The following RBM39 variants were observed in gnomAD, a reference collection of about 807,000 sequenced individuals.
RBM39 encodes RNA-binding protein 39.
RBM39 carries 12 observed loss-of-function variants against 79.6 expected under a neutral mutation model. The observed-to-expected ratio is 0.15, with a 90% CI of 0.10 to 0.24. The LOEUF (loss-of-function observed/expected upper bound fraction) is 0.24. Among genes scored for constraint, RBM39 ranks in the 10% least tolerant of loss-of-function variants. The probability of loss-of-function intolerance (pLI) is 1.00; values close to 1 mark genes in which losing one functional copy is unlikely to be tolerated. For missense variants in RBM39, 243 were observed against 653.4 expected (o/e 0.37, Z 6.85); for synonymous variants, 185 against 208.4 (o/e 0.89, Z 0.97).
At chr20:35,741,500 A>G (rs1373983172) in intron 1 of RBM39, 1 of 152,378 alleles carries the variant, frequency 6.6e-6, no homozygotes, top group Non-Finnish European at 1.5e-5. Flanking sequence ...GAAACACACG[A>G]AAATGAAGAC....
At chr20:35,733,500 T>C (rs900401911) in intron 3 of RBM39, among the ~76,000 whole-genome samples, 4 of 151,878 alleles carry the variant, frequency 2.6e-5, no homozygotes, top group African/African-American at 9.7e-5. Flanking sequence ...TTCCAGCTAC[T>C]GTGGAGGCTG....
At chr20:35,713,998 A>C (rs2036797273) in intron 11 of RBM39, 187 bp downstream of exon 11, 1 of 608,414 alleles carries the variant, frequency 1.6e-6, no homozygotes, top group Non-Finnish European at 2.8e-6. Flanking sequence ...CATTCAAAAC[A>C]CATAATATAG....
In RBM39 at chr20:35,702,535, G is replaced by A. The variant is rs931782099; in HGVS notation, c.*1946C>T. The A allele has an allele frequency of 5.9e-5, 9 of 152,228 alleles. No individual in the cohort carries two copies. The highest frequency in any genetic ancestry group is 1.3e-4 in the Admixed American group (2 of 15,278). The allele number at this position is 152,228 out of a possible 1,614,324, so 9.4% of individuals were successfully genotyped here. A position where few individuals can be genotyped will look rare whatever the true frequency, so the allele number is the denominator to read the frequency against. On this transcript the variant is annotated 3_prime_UTR_variant, in exon 17 of 17. Coordinates refer to ENST00000253363, the MANE Select transcript of RBM39 (RefSeq NM_184234.3). The stretch of plus-strand genomic sequence containing the variant: ...AATGACACAACAAATTTGTTAGGAA[G>A]ACTTGGTTCAAGGGGAAAAACTGAT...
In RBM39 at chr20:35,701,593, A is replaced by C. The variant is rs1398456355; in HGVS notation, c.*2888T>G. The C allele has an allele frequency of 6.6e-6, 1 of 152,172 alleles. No individual in the cohort carries two copies. Among genetic ancestry groups the C allele is most frequent in the African/African-American group, 2.4e-5 (1 of 41,448 alleles). The allele number at this position is 152,172 out of a possible 1,614,324, so 9.4% of individuals were successfully genotyped here. Reference sequence around the variant, plus strand: ...ACGGTGACACCCCGTCTCTACTAAAAATACAAAAACTTAAGCCGGGTGTGT... The same window carrying C: ...ACGGTGACACCCCGTCTCTACTAAACATACAAAAACTTAAGCCGGGTGTGT... On this transcript the variant is annotated 3_prime_UTR_variant, in exon 17 of 17. Transcript: ENST00000253363.
At chr20:35,719,366 G>A (rs2146581533) in intron 9 of RBM39, among the ~76,000 whole-genome samples, 1 of 152,280 alleles carries the variant, frequency 6.6e-6, no homozygotes, top group Non-Finnish European at 1.5e-5. Context: ...CAGCTGTTTG[G>A]AAGAGAGTTG....
intron 3 of RBM39, chr20:35,735,196 TAA>T: frequency 7.5e-7 from 1 of 1,329,764 alleles, no homozygotes; most frequent in Non-Finnish European, 9.8e-7. Context: ...TTTTATTGAG[TAA>T]TTCTCTAAAG....
chr20:35,722,344 T>C (rs1019583038), intron 8 of RBM39, among the ~76,000 whole-genome samples: 6 of 150,396 alleles, frequency 4.0e-5, no homozygotes, highest in Non-Finnish European at 8.9e-5. Context: ...GAGGCAGAGC[T>C]TGCAGTGAGA....
chr20:35,725,410 A>G (rs1202803687), intron 6 of RBM39, among the ~76,000 whole-genome samples: 1 of 152,076 alleles, frequency 6.6e-6, no homozygotes, highest in Non-Finnish European at 1.5e-5. Context: ...ATGCTGCACA[A>G]GTTGGTCTTG....
intron 3 of RBM39, among the ~76,000 whole-genome samples, chr20:35,738,385 T>TA (rs1241820366): frequency 1.3e-5 from 2 of 152,190 alleles, no homozygotes; most frequent in Non-Finnish European, 2.9e-5. Context: ...CTTACCCAAA[T>TA]AAAGTGTACA....
intron 6 of RBM39, 24 bp downstream of exon 6, chr20:35,729,287 TA>T: frequency 6.4e-7 from 1 of 1,560,432 alleles, no homozygotes; most frequent in Non-Finnish European, 8.6e-7. Context: ...TTTTAAGAGC[TA>T]AAGGCTTTAA....
chr20:35,710,995 G>A (rs1006606705), intron 12 of RBM39, among the ~76,000 whole-genome samples: 1 of 152,108 alleles, frequency 6.6e-6, no homozygotes, highest in Non-Finnish European at 1.5e-5. Flanking sequence ...CGATGAGAAA[G>A]AACCCAAGAG....
chr20:35,711,397 G>C (rs536665773), intron 12 of RBM39, among the ~76,000 whole-genome samples: 117 of 152,228 alleles, frequency 7.7e-4, no homozygotes, highest in African/African-American at 2.6e-3. Flanking sequence ...CACTGTAAAG[G>C]ATCGAATAGC....
At chr20:35,715,957 C>T (rs2037072970) in intron 10 of RBM39, among the ~76,000 whole-genome samples, 1 of 152,216 alleles carries the variant, frequency 6.6e-6, no homozygotes, top group South Asian at 2.1e-4. Context: ...GCACAAGTAA[C>T]AGCTTCCTGA....
chr20:35,729,076 AAAATAAAT>A (rs11470400), intron 6 of RBM39, among the ~76,000 whole-genome samples: 13 of 150,114 alleles, frequency 8.7e-5, no homozygotes, highest in East Asian at 2.0e-4. Flanking sequence ...ACTCCGTCTC[AAAATAAAT>A]AAATAAATAA....
intron 12 of RBM39, among the ~76,000 whole-genome samples, chr20:35,710,792 T>A (rs973651213): frequency 6.6e-6 from 1 of 152,176 alleles, no homozygotes; most frequent in African/African-American, 2.4e-5. Context: ...ATGAGTGTTA[T>A]TAATGCAGAA....
intron 13 of RBM39, 131 bp downstream of exon 13, chr20:35,709,093 T>C (rs2036102542): frequency 2.9e-6 from 2 of 682,576 alleles, no homozygotes; most frequent in South Asian, 2.0e-5. Context: ...AATATACCAC[T>C]ATGTGTCACT....
At position 35,722,421 on chromosome 20, in the gene RBM39, TA is replaced by T. The variant is rs1284227161; in HGVS notation, c.688-545del. On this transcript the variant is annotated intron_variant, in intron 8 of 16. Transcript: ENST00000253363. ...GACTCAGTCTCAAAAAAAATAAAAA[TA>T]AAAAAAAAAATAAAAATAAAAAGTT... Among the ~76,000 whole-genome samples, 403 of 90,184 alleles carry T rather than the reference TA, an allele frequency of 4.5e-3. 4 individuals carry two copies. Among genetic ancestry groups the T allele is most frequent in the Middle Eastern group, 0.017 (3 of 172 alleles). The allele number at this position is 90,184 out of a possible 152,430, so 59.2% of individuals were successfully genotyped here.
chr20:35,716,591 C>T lies in RBM39; in HGVS notation c.891+149G>A, dbSNP rs944829728. The T allele has an allele frequency of 4.9e-5, 31 of 635,162 alleles. No homozygotes were observed. In the Admixed American group the frequency reaches 5.0e-4, roughly 10 times the overall value. The allele number at this position is 635,162 out of a possible 1,614,324, so 39.3% of individuals were successfully genotyped here. A position where few individuals can be genotyped will look rare whatever the true frequency, so the allele number is the denominator to read the frequency against. On this transcript the variant is annotated intron_variant, in intron 10 of 16. Transcript: ENST00000253363. ...TGAAAAAAACTTTTTTGATCGGACA[C>T]AGAGGCTCAGTCCTGTAATCCCAGC...
intron 9 of RBM39, among the ~76,000 whole-genome samples, chr20:35,719,484 C>T (rs1322324628): frequency 2.0e-5 from 3 of 152,036 alleles, no homozygotes; most frequent in African/African-American, 7.2e-5. Flanking sequence ...GGTAGATCAC[C>T]TGAGGTCAAG....
Sources: gnomAD v4.1 joint callset for allele counts (sites outside exome capture counted in the v4.1 genomes callset) on GRCh38, gnomAD v4.1.1 for gene constraint, MANE v1.5 for transcripts, NCBI Gene and HGNC (gene_info 2026-07-23, HGNC 2026-07-21) for gene names.